Variants in PEBP4 observed in about 807,000 individuals in gnomAD.
PEBP4 encodes phosphatidylethanolamine binding protein 4, also known as phosphatidylethanolamine-binding protein 4.
Under a neutral mutation model 23.9 loss-of-function variants are expected in PEBP4, and 22 were observed. The observed-to-expected ratio is 0.92, with a 90% CI of 0.66 to 1.31. The LOEUF is 1.31. Among genes scored for constraint, PEBP4 ranks in the 40% most tolerant of loss-of-function variants. The probability of loss-of-function intolerance (pLI) is 0.00; values close to 1 mark genes in which losing one functional copy is unlikely to be tolerated. For missense variants in PEBP4, 324 were observed against 281.7 expected, an observed-to-expected ratio of 1.15 and a Z score of -1.07; for synonymous variants, 112 against 99.3, an observed-to-expected ratio of 1.13 and a Z score of -0.76.
At chr8:22,869,663 T>TC (rs1236052943) in intron 3 of PEBP4, among the ~76,000 whole-genome samples, 3 of 152,142 alleles carry the variant, frequency 2.0e-5, no homozygotes, top group African/African-American at 7.2e-5. Context: ...ACATACTTGA[T>TC]AATGGACTGG....
In PEBP4 at chr8:22,782,512, G is replaced by C. The variant is rs187943631; in HGVS notation, c.357+35125C>G. Among the ~76,000 whole-genome samples, 461 of 152,270 alleles carry C rather than the reference G, an allele frequency of 3.0e-3. 1 individual carries two copies. The highest frequency in any genetic ancestry group is 8.8e-3 in the African/African-American group (366 of 41,554). ...GAACTGACATTTTTAGAAGGTCAAT[G>C]GACCACATACAGAGAGAAAAAGTCA... is the stretch of plus-strand genomic sequence containing the variant. On this transcript the variant is annotated intron_variant, in intron 4 of 6. Transcript: ENST00000256404.
At chr8:22,831,686 C>A (rs1248012028) in intron 3 of PEBP4, among the ~76,000 whole-genome samples, 1 of 152,054 alleles carries the variant, frequency 6.6e-6, no homozygotes, top group South Asian at 2.1e-4. Context: ...AACCTAAGGA[C>A]GTGATGGACC....
intron 3 of PEBP4, among the ~76,000 whole-genome samples, chr8:22,830,792 A>G (rs1341841404): frequency 6.6e-6 from 1 of 151,844 alleles, no homozygotes; most frequent in African/African-American, 2.4e-5. Context: ...CCCTATCACC[A>G]CTACCACCAC....
chr8:22,840,392 T>A (rs556532087), intron 3 of PEBP4, among the ~76,000 whole-genome samples: 1 of 151,508 alleles, frequency 6.6e-6, no homozygotes, highest in South Asian at 2.1e-4. Flanking sequence ...CTTAAAAAAA[T>A]TTTTTCTTCT....
intron 6 of PEBP4, among the ~76,000 whole-genome samples, chr8:22,720,741 C>A (rs1443857372): frequency 6.6e-6 from 1 of 152,204 alleles, no homozygotes; most frequent in African/African-American, 2.4e-5. Context: ...TCTGTTCCTC[C>A]TATCTTGGGG....
chr8:22,875,796 C>A (rs1808108004), intron 3 of PEBP4, among the ~76,000 whole-genome samples: 1 of 152,120 alleles, frequency 6.6e-6, no homozygotes, highest in Non-Finnish European at 1.5e-5. Flanking sequence ...TCAAGCCACA[C>A]TTCTACTTGC....
At chr8:22,908,537 A>T (rs1808866579) in intron 3 of PEBP4, among the ~76,000 whole-genome samples, 1 of 152,172 alleles carries the variant, frequency 6.6e-6, no homozygotes, top group Admixed American at 6.5e-5. Context: ...GAGGAAAAGG[A>T]ATCGCAGAGT....
intron 3 of PEBP4, among the ~76,000 whole-genome samples, chr8:22,845,566 AG>A (rs1807415215): frequency 2.0e-5 from 3 of 152,156 alleles, no homozygotes; most frequent in Non-Finnish European, 4.4e-5. Context: ...GAGATGTTCT[AG>A]GGAAGCTTCA....
At position 22,719,158 on chromosome 8, in the gene PEBP4, C is replaced by T. The variant is rs530239247; in HGVS notation, c.518-5622G>A. 6.6e-5 allele frequency among the ~76,000 whole-genome samples: 10 copies of T among 152,328 alleles called. No individual in the cohort carries two copies. The South Asian group carries it at 1.2e-3, about 19-fold the overall frequency. On this transcript the variant is annotated intron_variant, in intron 6 of 6. Transcript: ENST00000256404. ...GGTGCTAGGGAGCGGCTTATGGCTG[C>T]CTGGCCCAGGACTCCCATTTTGCAG...
intron 4 of PEBP4, among the ~76,000 whole-genome samples, chr8:22,801,758 C>A (rs1458025401): frequency 1.3e-5 from 2 of 152,126 alleles, no homozygotes; most frequent in Non-Finnish European, 2.9e-5. Flanking sequence ...ACACCCAGAG[C>A]CACAGCAGCC....
intron 3 of PEBP4, among the ~76,000 whole-genome samples, chr8:22,848,834 T>C (rs1807494646): frequency 6.6e-6 from 1 of 152,236 alleles, no homozygotes; most frequent in South Asian, 2.1e-4. Context: ...GGGAGCGGAA[T>C]TGTTTCCCTT....
At chr8:22,885,117 C>T (rs1052434169) in intron 3 of PEBP4, 11 of 152,158 alleles carry the variant, frequency 7.2e-5, no homozygotes, top group African/African-American at 1.4e-4. Flanking sequence ...GAGACTGTGA[C>T]GATACTGAAA....
intron 4 of PEBP4, among the ~76,000 whole-genome samples, chr8:22,762,626 C>A (rs1805531154): frequency 6.6e-6 from 1 of 152,098 alleles, no homozygotes; most frequent in Admixed American, 6.5e-5. Context: ...AATTCCCATG[C>A]CGTTGCAGAG....
intron 4 of PEBP4, 143 bp from the exon 5 acceptor site, chr8:22,727,363 G>A: frequency 2.5e-6 from 2 of 789,100 alleles, no homozygotes; most frequent in South Asian, 3.1e-5. Context: ...GGGAGAGGAG[G>A]AAAATGGGAG....
At chr8:22,785,679 T>A (rs980395698) in intron 4 of PEBP4, among the ~76,000 whole-genome samples, 11 of 152,018 alleles carry the variant, frequency 7.2e-5, no homozygotes, top group African/African-American at 2.7e-4. Context: ...AAGTTACAGA[T>A]CCTCCCTGAG....
intron 4 of PEBP4, among the ~76,000 whole-genome samples, chr8:22,744,119 C>T (rs985725781): frequency 1.3e-5 from 2 of 152,216 alleles, no homozygotes; most frequent in African/African-American, 2.4e-5. Flanking sequence ...GCCTCCCTCT[C>T]CCAATTTGAT....
At chr8:22,770,114 G>A (rs560992536) in intron 4 of PEBP4, among the ~76,000 whole-genome samples, 4 of 152,298 alleles carry the variant, frequency 2.6e-5, no homozygotes, top group Admixed American at 6.5e-5. Context: ...GGAAGCAGGC[G>A]CCCCTCTGGG....
chr8:22,743,328 G>C (rs1440417749), intron 4 of PEBP4, among the ~76,000 whole-genome samples: 1 of 152,224 alleles, frequency 6.6e-6, no homozygotes, highest in Non-Finnish European at 1.5e-5. Flanking sequence ...AGTTTCTACT[G>C]TAATAAAGAA....
intron 4 of PEBP4, among the ~76,000 whole-genome samples, chr8:22,809,190 C>G (rs1806564040): frequency 6.6e-6 from 1 of 152,190 alleles, no homozygotes; most frequent in Non-Finnish European, 1.5e-5. Flanking sequence ...CAAATGTTAT[C>G]TCGTTAAATC....
Sources: gnomAD v4.1 joint callset for allele counts (sites outside exome capture counted in the v4.1 genomes callset) on GRCh38, gnomAD v4.1.1 for gene constraint, MANE v1.5 for transcripts, NCBI Gene and HGNC (gene_info 2026-07-23, HGNC 2026-07-21) for gene names.